The following LMO7 variants were observed in gnomAD, a reference collection of about 807,000 sequenced individuals.
The protein encoded by LMO7 is LIM domain 7.
Under a neutral mutation model 206.5 loss-of-function variants are expected in LMO7, and 120 were observed. The ratio of observed to expected loss-of-function variants is 0.58; its 90% CI spans 0.50 to 0.68. The LOEUF (loss-of-function observed/expected upper bound fraction) is 0.68, where lower values mean the gene tolerates loss of function less well. LMO7 is among the 30% of genes least tolerant of loss of function. The probability of loss-of-function intolerance (pLI) is 0.00; values close to 1 mark genes in which losing one functional copy is unlikely to be tolerated. For missense variants in LMO7, 1,959 were observed against 1,957.9 expected (o/e 1.00, Z -0.01); for synonymous variants, 706 against 681.5 (o/e 1.04, Z -0.56).
chr13:75,731,881 G>A (rs144452427), intron 3 of LMO7, among the ~76,000 whole-genome samples: 76,104 of 151,162 alleles, frequency 0.5, 20,510 homozygotes, highest in African/African-American at 0.7. Flanking sequence ...TTTCTCCTTC[G>A]CTTATGAAGC....
intron 25 of LMO7, among the ~76,000 whole-genome samples, chr13:75,844,812 T>A (rs2059857319): frequency 6.6e-6 from 1 of 152,216 alleles, no homozygotes; most frequent in Non-Finnish European, 1.5e-5. Flanking sequence ...TTAAGGCGTT[T>A]CCAGAAGTTG....
chr13:75,667,653 T>C (rs919873498), intron 1 of LMO7, among the ~76,000 whole-genome samples: 2 of 152,222 alleles, frequency 1.3e-5, no homozygotes, highest in Non-Finnish European at 2.9e-5. Context: ...AGATTTTCTT[T>C]CATTATTATC....
At chr13:75,710,250 T>C (rs1303844159) in intron 1 of LMO7, among the ~76,000 whole-genome samples, 2 of 152,238 alleles carry the variant, frequency 1.3e-5, no homozygotes, top group Non-Finnish European at 2.9e-5. Context: ...CCAGCTTTTT[T>C]CTTTTGGCTT....
intron 4 of LMO7, among the ~76,000 whole-genome samples, chr13:75,777,676 C>CG (rs2050704138): frequency 7.5e-6 from 1 of 133,674 alleles, no homozygotes; most frequent in Non-Finnish European, 1.5e-5. Flanking sequence ...GACAGAGTCT[C>CG]GCTCTGTCAC....
chr13:75,851,844 C>T (rs564095782), intron 27 of LMO7, among the ~76,000 whole-genome samples: 1 of 152,200 alleles, frequency 6.6e-6, no homozygotes, highest in African/African-American at 2.4e-5. Context: ...GATTCAGGTG[C>T]TACATAAATG....
chr13:75,719,191 G>A (rs2043813199), intron 2 of LMO7, among the ~76,000 whole-genome samples: 1 of 152,004 alleles, frequency 6.6e-6, no homozygotes, highest in Non-Finnish European at 1.5e-5. Flanking sequence ...TGTTGGCCAG[G>A]CTGGTCTCGA....
At chr13:75,664,188 T>C (rs981013867) in intron 1 of LMO7, among the ~76,000 whole-genome samples, 4 of 152,146 alleles carry the variant, frequency 2.6e-5, no homozygotes, top group African/African-American at 9.6e-5. Context: ...TCTCAATGAG[T>C]TCAATTGTTT....
At chr13:75,660,745 T>G (rs2038508750) in intron 1 of LMO7, among the ~76,000 whole-genome samples, 2 of 152,202 alleles carry the variant, frequency 1.3e-5, no homozygotes, top group Non-Finnish European at 2.9e-5. Context: ...TAGAAGGACC[T>G]TGGTTCCTAA....
At chr13:75,708,903 C>T (rs1251077154) in intron 1 of LMO7, among the ~76,000 whole-genome samples, 1 of 152,046 alleles carries the variant, frequency 6.6e-6, no homozygotes, top group Non-Finnish European at 1.5e-5. Context: ...GCCATCAGCT[C>T]GTCATTTAAC....
chr13:75,665,531 A>ATT lies in LMO7; in HGVS notation c.69+28816_69+28817dup, dbSNP rs35856612. ...GGAAATTTATGTCTCCCTAGTCTAC[A>ATT]TTTTTTTTTTTTGAGTCAAAGTCTC... On this transcript the variant is annotated intron_variant, in intron 1 of 30. Transcript: ENST00000377534. Among the ~76,000 whole-genome samples the ATT allele has an allele frequency of 7.8e-4, 115 of 148,096 alleles. 1 individual carries two copies. Among genetic ancestry groups the ATT allele is most frequent in the Middle Eastern group, 7.0e-3 (2 of 284 alleles).
intron 4 of LMO7, among the ~76,000 whole-genome samples, chr13:75,789,761 A>G (rs2052988287): frequency 6.6e-6 from 1 of 152,128 alleles, no homozygotes; most frequent in South Asian, 2.1e-4. Context: ...TCCTTGGATA[A>G]ACAGAAGGCA....
At chr13:75,783,106 A>G (rs1017888045) in intron 4 of LMO7, among the ~76,000 whole-genome samples, 1 of 152,198 alleles carries the variant, frequency 6.6e-6, no homozygotes, top group African/African-American at 2.4e-5. Flanking sequence ...TTGTGATGGC[A>G]TAACATGGAT....
chr13:75,660,334 A>G (rs539682142), intron 1 of LMO7, among the ~76,000 whole-genome samples: 16 of 152,358 alleles, frequency 1.1e-4, no homozygotes, highest in Admixed American at 8.5e-4. Flanking sequence ...ATCCTTTAAA[A>G]AAATTTAAAA....
chr13:75,829,332 A>G (rs972610782), intron 15 of LMO7, among the ~76,000 whole-genome samples: 9 of 152,100 alleles, frequency 5.9e-5, no homozygotes, highest in African/African-American at 2.2e-4. Flanking sequence ...AAGACTCAAG[A>G]TGTATTTGGT....
chr13:75,791,043 C>G lies in LMO7; in HGVS notation c.318-4358C>G, dbSNP rs117830604. ...CCAGGCTGGAGTGCAGTGGCATGAT[C>G]TCGGCTCACTGCAAACTCTGCCTCC... On this transcript the variant is annotated intron_variant, in intron 4 of 30. Transcript: ENST00000377534. Among the ~76,000 whole-genome samples the G allele has an allele frequency of 1.7e-4, 26 of 149,514 alleles. No individual in the cohort carries two copies. In the East Asian group the frequency reaches 5.0e-3, roughly 29 times the overall value.
chr13:75,847,022 T>C (rs2060051111), intron 26 of LMO7, among the ~76,000 whole-genome samples: 1 of 122,274 alleles, frequency 8.2e-6, no homozygotes, highest in Admixed American at 8.8e-5. Flanking sequence ...CGGAGCAGAC[T>C]CTGTCTCAAA....
At chr13:75,829,545 A>G (rs1363885796) in intron 15 of LMO7, among the ~76,000 whole-genome samples, 1 of 152,190 alleles carries the variant, frequency 6.6e-6, no homozygotes, top group African/African-American at 2.4e-5. Context: ...CACAAATTCA[A>G]AGATTATAGA....
chr13:75,796,672 C>T lies in LMO7; in HGVS notation c.385C>T (p.Gln129Ter). 1 of 1,612,916 alleles carries T rather than the reference C, an allele frequency of 6.2e-7. No individual in the cohort carries two copies. The highest frequency in any genetic ancestry group is 1.1e-5 in the South Asian group (1 of 91,040). Residue 129 changes from glutamine (Q) to a stop codon, truncating the protein, a stop_gained, in exon 6 of 31, where the codon CAA becomes TAA. Coordinates refer to ENST00000377534, the MANE Select transcript of LMO7 (RefSeq NM_001306080.2). LOFTEE classifies it high-confidence loss of function. Reference sequence around the variant, plus strand: ...ATTGTACTGGCTGGGAAGAAAAGCACAAAGCAACCCGTACTATAATGGTCC... The same window carrying T: ...ATTGTACTGGCTGGGAAGAAAAGCATAAAGCAACCCGTACTATAATGGTCC... ...ITLYWLGRKA[Q>*]SNPYYNGPHL...
At chr13:75,653,499 T>G (rs892232727) in intron 1 of LMO7, among the ~76,000 whole-genome samples, 1 of 152,256 alleles carries the variant, frequency 6.6e-6, no homozygotes, top group African/African-American at 2.4e-5. Context: ...AGACAGTGCC[T>G]GGAGCCTTGA....
Sources: gnomAD v4.1 joint callset for allele counts (sites outside exome capture counted in the v4.1 genomes callset) on GRCh38, gnomAD v4.1.1 for gene constraint, MANE v1.5 for transcripts, NCBI Gene and HGNC (gene_info 2026-07-23, HGNC 2026-07-21) for gene names.